MAPK6: variants seen among roughly 807,000 people sequenced by gnomAD.
The protein encoded by MAPK6 is mitogen-activated protein kinase 6.
Under a neutral mutation model 59.3 loss-of-function variants are expected in MAPK6, and 19 were observed. That is an observed-to-expected ratio of 0.32 (90% CI 0.22 to 0.47). The LOEUF (loss-of-function observed/expected upper bound fraction) is 0.47, where lower values mean the gene tolerates loss of function less well. MAPK6 is among the 20% of genes least tolerant of loss of function. The probability of loss-of-function intolerance (pLI) is 1.00; values close to 1 mark genes in which losing one functional copy is unlikely to be tolerated. For missense variants in MAPK6, 724 were observed against 847.9 expected, an observed-to-expected ratio of 0.85 and a Z score of 1.81; for synonymous variants, 316 against 290.3, an observed-to-expected ratio of 1.09 and a Z score of -0.90.
intron 1 of MAPK6, among the ~76,000 whole-genome samples, chr15:52,025,599 G>A (rs1292121714): frequency 6.6e-6 from 1 of 152,114 alleles, no homozygotes; most frequent in Non-Finnish European, 1.5e-5. Flanking sequence ...TCAGGAGATC[G>A]AGACCATCCT....
intron 4 of MAPK6, 82 bp downstream of exon 4, chr15:52,058,879 C>T (rs2032089277): frequency 1.7e-6 from 2 of 1,207,858 alleles, no homozygotes; most frequent in East Asian, 2.5e-5. Context: ...GCTTTTTATC[C>T]TTAGATATGG....
chr15:51,999,328 G>C (rs2057235657), intron 2 of MAPK6, among the ~76,000 whole-genome samples: 1 of 152,116 alleles, frequency 6.6e-6, no homozygotes, highest in South Asian at 2.1e-4. Context: ...CCATTTAAGT[G>C]GGTATAAAGT....
intron 1 of MAPK6, among the ~76,000 whole-genome samples, chr15:52,032,298 C>T (rs1199173746): frequency 6.9e-6 from 1 of 145,132 alleles, no homozygotes; most frequent in Non-Finnish European, 1.5e-5. Flanking sequence ...TTAAGCGATT[C>T]TCCTGCCTCA....
At chr15:52,048,710 C>G (rs981515053) in intron 2 of MAPK6, among the ~76,000 whole-genome samples, 7 of 152,038 alleles carry the variant, frequency 4.6e-5, no homozygotes, top group Admixed American at 6.6e-5. Context: ...AGGAGGATCA[C>G]TTGAGGCCAG....
intron 3 of MAPK6, chr15:52,056,877 A>G (rs2032004699): frequency 6.6e-6 from 1 of 151,618 alleles, no homozygotes; most frequent in Admixed American, 6.6e-5. Context: ...TTATATCTTC[A>G]GCCCTGACCT....
intron 1 of MAPK6, among the ~76,000 whole-genome samples, chr15:52,039,700 G>A (rs2031357222): frequency 6.6e-6 from 1 of 151,762 alleles, no homozygotes; most frequent in African/African-American, 2.4e-5. Flanking sequence ...ATTGTTAGTA[G>A]AGACAGGGGT....
chr15:51,994,480 A>G (rs1246438405), intron 2 of MAPK6, among the ~76,000 whole-genome samples: 1 of 152,074 alleles, frequency 6.6e-6, no homozygotes, highest in Non-Finnish European at 1.5e-5. Context: ...CATGATTATC[A>G]CTGTGGTAAG....
chr15:52,050,398 T>G (rs1439320364), intron 3 of MAPK6, among the ~76,000 whole-genome samples: 1 of 152,238 alleles, frequency 6.6e-6, no homozygotes, highest in Non-Finnish European at 1.5e-5. Context: ...TGGTAATTTG[T>G]GTTGATACTT....
chr15:52,031,968 T>G (rs1166547719), intron 1 of MAPK6, among the ~76,000 whole-genome samples: 9 of 152,000 alleles, frequency 5.9e-5, no homozygotes, highest in Non-Finnish European at 1.5e-5. Context: ...TGACACGATC[T>G]CGGCTCACTG....
At chr15:52,059,816 A>T (rs2032127161) in intron 4 of MAPK6, among the ~76,000 whole-genome samples, 1 of 152,178 alleles carries the variant, frequency 6.6e-6, no homozygotes, top group South Asian at 2.1e-4. Flanking sequence ...GGAGTTTCTG[A>T]GACTAAAGAT....
intron 1 of MAPK6, chr15:52,019,963 G>C (rs2030453030): frequency 6.5e-6 from 1 of 152,716 alleles, no homozygotes; most frequent in South Asian, 2.1e-4. Context: ...GTGGCGTAGC[G>C]CGCAGCGCTC....
chr15:52,001,025 A>G (rs2057240451), intron 2 of MAPK6, among the ~76,000 whole-genome samples: 1 of 152,158 alleles, frequency 6.6e-6, no homozygotes, highest in Non-Finnish European at 1.5e-5. Flanking sequence ...TGTCTTCTCC[A>G]AAATTCAGGT....
At chr15:52,011,716 T>G (rs2030063307) in intron 3 of MAPK6, among the ~76,000 whole-genome samples, 1 of 152,222 alleles carries the variant, frequency 6.6e-6, no homozygotes, top group African/African-American at 2.4e-5. Context: ...CATGATCACT[T>G]TACAGAACAT....
At chr15:52,014,550 A>G (rs1177871642), upstream of MAPK6, among the ~76,000 whole-genome samples, 1 of 151,900 alleles carries the variant, frequency 6.6e-6, no homozygotes, top group Non-Finnish European at 1.5e-5. Flanking sequence ...CATCTTTACA[A>G]AAAATAATTA....
At chr15:51,992,298 TA>T (rs2057211811) in intron 2 of MAPK6, among the ~76,000 whole-genome samples, 1 of 54,684 alleles carries the variant, frequency 1.8e-5, no homozygotes, top group Non-Finnish European at 4.2e-5. Context: ...TATCTATATA[TA>T]TATATATTTT....
In MAPK6 at chr15:51,973,801, C is replaced by T. The variant is rs180705789; in HGVS notation, c.-880+1895C>T. The stretch of plus-strand genomic sequence containing the variant: ...CTGAGTAGCTGGGATTACAGGCATG[C>T]GCCACCATATCCGGTTAATTTTGTA... On this transcript the variant is annotated intron_variant, in intron 1 of 7. Transcript: ENST00000691380. 2.4e-3 allele frequency among the ~76,000 whole-genome samples: 366 copies of T among 151,866 alleles called. 3 individuals are homozygous for T. The highest frequency in any genetic ancestry group is 8.4e-3 in the African/African-American group (348 of 41,496).
At chr15:52,045,117 C>T (rs184235092) in intron 1 of MAPK6, among the ~76,000 whole-genome samples, 57 of 151,928 alleles carry the variant, frequency 3.8e-4, no homozygotes, top group Non-Finnish European at 7.2e-4. Flanking sequence ...TCATAGAGTA[C>T]GCTATTTATT....
chr15:51,988,741 T>TACAC (rs35976962), intron 2 of MAPK6, among the ~76,000 whole-genome samples: 6,302 of 145,658 alleles, frequency 0.043, 470 homozygotes, highest in African/African-American at 0.15. Flanking sequence ...AAAAAAAAAA[T>TACAC]ACACACACAC....
At chr15:52,016,068 G>GTGCACACA (rs2030245087), upstream of MAPK6, among the ~76,000 whole-genome samples, 1 of 35,610 alleles carries the variant, frequency 2.8e-5, no homozygotes, top group Non-Finnish European at 6.3e-5. Flanking sequence ...GCGCGCGCGC[G>GTGCACACA]CGCACACACA....
Sources: allele counts gnomAD v4.1 joint callset (sites outside exome capture counted in the v4.1 genomes callset), GRCh38; gene constraint gnomAD v4.1.1; transcripts MANE v1.5; gene names NCBI Gene and HGNC (gene_info 2026-07-23, HGNC 2026-07-21).